The following CCSER1 variants were observed in gnomAD, a reference collection of about 807,000 sequenced individuals.
CCSER1 encodes serine-rich coiled-coil domain-containing protein 1.
CCSER1 carries 41 observed loss-of-function variants against 82.0 expected under a neutral mutation model. The observed-to-expected ratio is 0.50, with a 90% CI of 0.39 to 0.65. CCSER1 has a LOEUF of 0.65. CCSER1 is among the 30% of genes least tolerant of loss of function. The pLI is 0.00. For missense variants in CCSER1, 1,119 were observed against 1,064.2 expected, an observed-to-expected ratio of 1.05 and a Z score of -0.72; for synonymous variants, 414 against 383.9, an observed-to-expected ratio of 1.08 and a Z score of -0.92.
At chr4:90,508,831 A>G (rs528135865) in intron 5 of CCSER1, among the ~76,000 whole-genome samples, 1 of 152,192 alleles carries the variant, frequency 6.6e-6, no homozygotes, top group African/African-American at 2.4e-5. Context: ...AAGCTCATTG[A>G]CAATAGAAAT....
intron 10 of CCSER1, among the ~76,000 whole-genome samples, chr4:91,336,812 A>G (rs1445719920): frequency 6.6e-6 from 1 of 152,100 alleles, no homozygotes; most frequent in African/African-American, 2.4e-5. Context: ...CATAATGTTA[A>G]ACTTTACTGA....
At chr4:90,251,779 G>A (rs1336007382) in intron 1 of CCSER1, among the ~76,000 whole-genome samples, 1 of 151,644 alleles carries the variant, frequency 6.6e-6, no homozygotes, top group Non-Finnish European at 1.5e-5. Flanking sequence ...TGATCTGTTG[G>A]AATGCAGTTG....
chr4:90,531,442 G>A (rs1438805646), intron 5 of CCSER1, among the ~76,000 whole-genome samples: 3 of 140,044 alleles, frequency 2.1e-5, no homozygotes, highest in Non-Finnish European at 4.6e-5. Context: ...ATTACAAGCT[G>A]TTACTCACCA....
At chr4:91,174,138 T>C (rs528379632) in intron 10 of CCSER1, among the ~76,000 whole-genome samples, 6 of 152,284 alleles carry the variant, frequency 3.9e-5, no homozygotes, top group South Asian at 4.1e-4. Flanking sequence ...CTGAACAACA[T>C]TAACATCCCA....
intron 10 of CCSER1, among the ~76,000 whole-genome samples, chr4:91,100,480 G>A (rs2148848913): frequency 6.6e-6 from 1 of 152,184 alleles, no homozygotes; most frequent in South Asian, 2.1e-4. Flanking sequence ...GCGTTGACTA[G>A]TCCACACCAT....
chr4:91,579,430 A>AACTC (rs1390200340), intron 10 of CCSER1, among the ~76,000 whole-genome samples: 2 of 151,710 alleles, frequency 1.3e-5, no homozygotes, highest in Non-Finnish European at 2.9e-5. Context: ...TCCCTTAGTT[A>AACTC]ACTCACCATA....
At chr4:91,099,528 G>A (rs1453651490) in intron 10 of CCSER1, among the ~76,000 whole-genome samples, 1 of 152,142 alleles carries the variant, frequency 6.6e-6, no homozygotes, top group Non-Finnish European at 1.5e-5. Context: ...TAGCCCTCAG[G>A]AGGCCCTGAG....
intron 10 of CCSER1, among the ~76,000 whole-genome samples, chr4:91,317,788 C>T (rs566745247): frequency 6.6e-6 from 1 of 151,914 alleles, no homozygotes; most frequent in East Asian, 1.9e-4. Context: ...CAGAATAGCA[C>T]TGAAGAATAA....
chr4:90,396,179 A>G (rs1343070619), intron 3 of CCSER1, among the ~76,000 whole-genome samples: 2 of 152,220 alleles, frequency 1.3e-5, no homozygotes, highest in African/African-American at 4.8e-5. Context: ...CCAGGAGATG[A>G]GAAACTATTT....
chr4:90,436,841 C>G (rs1578457338), intron 4 of CCSER1, among the ~76,000 whole-genome samples: 1 of 150,348 alleles, frequency 6.7e-6, no homozygotes, highest in African/African-American at 2.4e-5. Flanking sequence ...GAGTCTCACT[C>G]TGTCGCCCAG....
intron 5 of CCSER1, among the ~76,000 whole-genome samples, chr4:90,585,599 G>T (rs868404789): frequency 6.6e-6 from 1 of 152,206 alleles, no homozygotes; most frequent in African/African-American, 2.4e-5. Context: ...TAGAATTTGT[G>T]AAAGTATCTT....
rs571243297 is a variant in CCSER1, at chr4:91,576,743, T to A, written c.2218-21829T>A. ...GCTGAAGGTAATTTTTAAAAGTATT[T>A]TAAATAATTTTGAGATCGGGGTGAA... On this transcript the variant is annotated intron_variant, in intron 10 of 10. Coordinates refer to ENST00000509176, the MANE Select transcript of CCSER1 (RefSeq NM_001145065.2). Among the ~76,000 whole-genome samples, 24 of 152,146 alleles carry A rather than the reference T, an allele frequency of 1.6e-4. No homozygotes were observed. In the East Asian group the frequency reaches 4.5e-3, roughly 28 times the overall value.
intron 9 of CCSER1, among the ~76,000 whole-genome samples, chr4:90,998,278 C>G (rs183132466): frequency 3.9e-5 from 6 of 152,186 alleles, no homozygotes; most frequent in South Asian, 2.1e-4. Flanking sequence ...CGGGGTTTCT[C>G]CATGTTGATC....
intron 1 of CCSER1, among the ~76,000 whole-genome samples, chr4:90,174,187 T>A (rs1732247388): frequency 2.0e-5 from 3 of 151,762 alleles, no homozygotes. Flanking sequence ...GCCTAAAAAG[T>A]CAAAAACTCT....
chr4:91,167,275 C>A (rs1732192994), intron 10 of CCSER1, among the ~76,000 whole-genome samples: 1 of 148,358 alleles, frequency 6.7e-6, no homozygotes, highest in African/African-American at 2.5e-5. Flanking sequence ...TAACCTTTGC[C>A]TCGTGGGTTC....
intron 6 of CCSER1, among the ~76,000 whole-genome samples, chr4:90,691,501 T>C (rs576246858): frequency 2.6e-5 from 4 of 151,966 alleles, no homozygotes; most frequent in South Asian, 2.1e-4. Flanking sequence ...TATATAAACG[T>C]GTGTATATAT....
chr4:90,343,386 G>T (rs1741767719), intron 3 of CCSER1, among the ~76,000 whole-genome samples: 1 of 152,176 alleles, frequency 6.6e-6, no homozygotes, highest in Non-Finnish European at 1.5e-5. Flanking sequence ...GGAGGCCAAG[G>T]TGGATGGATC....
chr4:91,181,709 G>T (rs1184167143), intron 10 of CCSER1, among the ~76,000 whole-genome samples: 2 of 152,154 alleles, frequency 1.3e-5, no homozygotes, highest in African/African-American at 2.4e-5. Context: ...AGGAATTGTT[G>T]TGCAGCACCT....
intron 7 of CCSER1, among the ~76,000 whole-genome samples, chr4:90,809,975 G>A (rs1758036850): frequency 6.6e-6 from 1 of 152,018 alleles, no homozygotes; most frequent in African/African-American, 2.4e-5. Context: ...AGAATAAACA[G>A]GTATTATGTT....
Sources: gnomAD v4.1 joint callset for allele counts (sites outside exome capture counted in the v4.1 genomes callset) on GRCh38, gnomAD v4.1.1 for gene constraint, MANE v1.5 for transcripts, NCBI Gene and HGNC (gene_info 2026-07-23, HGNC 2026-07-21) for gene names.